Variants in PPP4C observed in about 807,000 individuals in gnomAD.
The protein encoded by PPP4C is protein phosphatase 4 catalytic subunit, also known as serine/threonine-protein phosphatase 4 catalytic subunit.
In PPP4C, 10 loss-of-function variants were observed where a neutral mutation model predicts 40.5. The observed-to-expected ratio is 0.25, with a 90% confidence interval of 0.15 to 0.42. PPP4C has a LOEUF of 0.42. PPP4C is among the 10% of genes least tolerant of loss of function. The probability of loss-of-function intolerance (pLI) is 1.00; values close to 1 mark genes in which losing one functional copy is unlikely to be tolerated. For missense variants in PPP4C, 191 were observed against 416.4 expected, an observed-to-expected ratio of 0.46 and a Z score of 4.71; for synonymous variants, 187 against 163.6, an observed-to-expected ratio of 1.14 and a Z score of -1.09.
intron 2 of PPP4C, among the ~76,000 whole-genome samples, chr16:30,078,418 G>A (rs2072443445): frequency 6.6e-6 from 1 of 152,196 alleles, no homozygotes. Flanking sequence ...TTTGATGTGG[G>A]GTGTGAGGCA....
chr16:30,085,359 TAAA>T lies in PPP4C; in HGVS notation c.*299_*301del, dbSNP rs1324440877. 2.8e-5 allele frequency: 8 copies of T among 289,286 alleles called. No individual in the cohort carries two copies. The highest frequency in any genetic ancestry group is 1.3e-4 in the East Asian group (2 of 15,238). The allele number at this position is 289,286 out of a possible 1,614,324, so 17.9% of individuals were successfully genotyped here. On this transcript the variant is annotated 3_prime_UTR_variant, in exon 9 of 9. Coordinates refer to ENST00000279387, the MANE Select transcript of PPP4C (RefSeq NM_002720.3). ...GAGAAAAAAAATGAAAAAATTCTAA[TAAA>T]AGAAGAAAAATGGTTTTTGGGTTTG...
intron 2 of PPP4C, among the ~76,000 whole-genome samples, chr16:30,079,813 C>G (rs1033566229): frequency 6.6e-6 from 1 of 152,152 alleles, no homozygotes; most frequent in African/African-American, 2.4e-5. Context: ...CCTCCCACAT[C>G]AGAATATCTT....
At chr16:30,082,579 G>A in intron 4 of PPP4C, 45 bp downstream of exon 4, 2 of 1,597,428 alleles carry the variant, frequency 1.3e-6, no homozygotes, top group Non-Finnish European at 1.7e-6. Context: ...GGGGATGACT[G>A]GAAGACCCCT....
At chr16:30,078,169 T>C (rs2072438533) in intron 2 of PPP4C, among the ~76,000 whole-genome samples, 1 of 152,146 alleles carries the variant, frequency 6.6e-6, no homozygotes, top group Admixed American at 6.6e-5. Flanking sequence ...GATAGCATGC[T>C]GGAGTTTGCA....
Position 30,085,146 on chromosome 16 carries a change from G to C in PPP4C, c.*84G>C. On this transcript the variant is annotated 3_prime_UTR_variant, in exon 9 of 9. Coordinates refer to ENST00000279387, the MANE Select transcript of PPP4C (RefSeq NM_002720.3). ...CATCTTCCTCAGACGGAGGCTGGGC[G>C]TGGGGGGGGCTGTCCTGGCTCTGCT... 1 of 1,459,570 alleles carries C rather than the reference G, an allele frequency of 6.9e-7. No individual in the cohort carries two copies. The highest frequency in any genetic ancestry group is 1.2e-5 in the South Asian group (1 of 81,548). 90.4% of individuals were successfully genotyped at this position (1,459,570 alleles called of 1,614,324 possible).
At chr16:30,076,594 C>T in intron 2 of PPP4C, 119 bp downstream of exon 2, 2 of 978,630 alleles carry the variant, frequency 2.0e-6, no homozygotes, top group African/African-American at 1.6e-5. Flanking sequence ...CAGAGAGGAG[C>T]AGGATGGAGC....
At chr16:30,078,287 G>C (rs1289840154) in intron 2 of PPP4C, among the ~76,000 whole-genome samples, 1 of 152,222 alleles carries the variant, frequency 6.6e-6, no homozygotes, top group Non-Finnish European at 1.5e-5. Flanking sequence ...AGGAAACTGA[G>C]CCTTTGAGTA....
chr16:30,079,742 G>C (rs1041425205), intron 2 of PPP4C, among the ~76,000 whole-genome samples: 10 of 152,204 alleles, frequency 6.6e-5, no homozygotes, highest in African/African-American at 2.4e-4. Flanking sequence ...TGTCCACTGA[G>C]CTCAGGAAAC....
chr16:30,082,501 T>C lies in PPP4C; in HGVS notation c.168T>C (p.His56=), dbSNP rs2072529663. The change falls in exon 4 of 9, where the codon CAT becomes CAC. Residue 56 remains histidine (H), a synonymous_variant. Transcript: ENST00000279387. ...TTCCCCAGGTGTGCGGCGACATCCA[T>C]GGACAATTCTATGACCTCAAAGAGC... The part of the protein sequence containing the change: ...DSPVTVCGDI[H]GQFYDLKELF... 5 of 1,613,962 alleles carry C rather than the reference T, an allele frequency of 3.1e-6. No individual in the cohort carries two copies. The highest frequency in any genetic ancestry group is 4.2e-6 in the Non-Finnish European group (5 of 1,179,832).
chr16:30,084,573 G>C lies in PPP4C; in HGVS notation c.605-93G>C, dbSNP rs140410303. 1,314 of 1,198,782 alleles carry C rather than the reference G, an allele frequency of 1.1e-3. 4 individuals are homozygous for C. The highest frequency in any genetic ancestry group is 7.5e-3 in the Middle Eastern group (36 of 4,798). 74.3% of individuals were successfully genotyped at this position (1,198,782 alleles called of 1,614,324 possible). A position where few individuals can be genotyped will look rare whatever the true frequency, so the allele number is the denominator to read the frequency against. ...GGTCCCACGGGCCTCTGGTGGACTTGGGGAGGGGCCAGGCTGCTCACCCTC... is the reference window on the plus strand; with the variant it reads ...GGTCCCACGGGCCTCTGGTGGACTTCGGGAGGGGCCAGGCTGCTCACCCTC... On this transcript the variant is annotated intron_variant, in intron 7 of 8. Transcript: ENST00000279387.
chr16:30,081,435 A>C, intron 3 of PPP4C, 125 bp downstream of exon 3: 2 of 758,756 alleles, frequency 2.6e-6, no homozygotes, highest in Non-Finnish European at 4.3e-6. Flanking sequence ...CTCACCTTCA[A>C]CGGAGCACTG....
intron 3 of PPP4C, 35 bp from the exon 4 acceptor site, chr16:30,082,449 G>T (rs1387556864): frequency 1.3e-6 from 2 of 1,599,480 alleles, no homozygotes; most frequent in Non-Finnish European, 1.7e-6. Flanking sequence ...AACTCCCACT[G>T]CTTGAGTTCC....
At chr16:30,080,664 G>A (rs1338201932) in intron 2 of PPP4C, among the ~76,000 whole-genome samples, 3 of 151,802 alleles carry the variant, frequency 2.0e-5, no homozygotes, top group African/African-American at 7.3e-5. Flanking sequence ...GCGCCACCAC[G>A]CCTGGCTAAT....
In PPP4C at chr16:30,080,402, C is replaced by T. The variant is rs577910390; in HGVS notation, c.99-857C>T. Among the ~76,000 whole-genome samples the T allele has an allele frequency of 2.7e-4, 41 of 151,312 alleles. 1 individual carries two copies. The East Asian group carries it at 7.4e-3, about 27-fold the overall frequency. ...CTTACCTGGCAAAGTGATTTCATCT[C>T]CTGCTCACTCAAGTAGAAGTAGACT... is the stretch of plus-strand genomic sequence containing the variant. On this transcript the variant is annotated intron_variant, in intron 2 of 8. Coordinates refer to ENST00000279387, the MANE Select transcript of PPP4C (RefSeq NM_002720.3).
Position 30,085,071 on chromosome 16 carries a change from G to A in PPP4C, c.*9G>A, listed in dbSNP as rs561952396. 38 of 1,610,280 alleles carry A rather than the reference G, an allele frequency of 2.4e-5. No homozygotes were observed. The highest frequency in any genetic ancestry group is 1.3e-4 in the Admixed American group (8 of 59,934). On this transcript the variant is annotated 3_prime_UTR_variant, in exon 9 of 9. Transcript: ENST00000279387. ...CCGACTACTTCCTGTGACCCCGCCCGGCCCCTGCCCCCTCCAACCCTTCTG... is the reference window on the plus strand; with the variant it reads ...CCGACTACTTCCTGTGACCCCGCCCAGCCCCTGCCCCCTCCAACCCTTCTG...
intron 2 of PPP4C, among the ~76,000 whole-genome samples, chr16:30,077,963 CCTGT>C (rs2072433970): frequency 2.0e-5 from 3 of 152,206 alleles, no homozygotes; most frequent in Admixed American, 1.3e-4. Flanking sequence ...TTTTTCGCCA[CCTGT>C]CTGTGGCTTT....
In PPP4C at chr16:30,085,146, G is replaced by GT. The variant is rs1352768041; in HGVS notation, c.*85dup. 1.7e-5 allele frequency: 25 copies of GT among 1,459,496 alleles called. No individual in the cohort carries two copies. Among genetic ancestry groups the GT allele is most frequent in the East Asian group, 2.3e-5 (1 of 43,104 alleles). The allele number at this position is 1,459,496 out of a possible 1,614,324, so 90.4% of individuals were successfully genotyped here. A position where few individuals can be genotyped will look rare whatever the true frequency, so the allele number is the denominator to read the frequency against. On this transcript the variant is annotated 3_prime_UTR_variant, in exon 9 of 9. Transcript: ENST00000279387. ...CATCTTCCTCAGACGGAGGCTGGGC[G>GT]TGGGGGGGGCTGTCCTGGCTCTGCT... is the stretch of plus-strand genomic sequence containing the variant.
chr16:30,076,526 C>G (rs772009819), intron 2 of PPP4C, 51 bp downstream of exon 2: 6 of 1,542,028 alleles, frequency 3.9e-6, no homozygotes, highest in South Asian at 1.2e-5. Flanking sequence ...CCCACGGGTT[C>G]TGGCCTGGGG....
In PPP4C at chr16:30,085,099, C is replaced by T. The variant is rs1469335579; in HGVS notation, c.*37C>T. ...CCCTGCCCCCTCCAACCCTTCTGGC[C>T]CTCGCACCACTGTGACTCTGCCATC... On this transcript the variant is annotated 3_prime_UTR_variant, in exon 9 of 9. Transcript: ENST00000279387. 6.2e-7 allele frequency: 1 copy of T among 1,604,992 alleles called. No homozygotes were observed. Among genetic ancestry groups the T allele is most frequent in the African/African-American group, 1.3e-5 (1 of 74,762 alleles).
Sources: gnomAD v4.1 joint callset for allele counts (sites outside exome capture counted in the v4.1 genomes callset) on GRCh38, gnomAD v4.1.1 for gene constraint, MANE v1.5 for transcripts, NCBI Gene and HGNC (gene_info 2026-07-23, HGNC 2026-07-21) for gene names.